The following SLC25A13 variants were observed in gnomAD, a reference collection of about 807,000 sequenced individuals.
SLC25A13 encodes solute carrier family 25 member 13.
Under a neutral mutation model 85.5 loss-of-function variants are expected in SLC25A13, and 70 were observed. The ratio of observed to expected loss-of-function variants is 0.82; its 90% confidence interval spans 0.68 to 1.00. The LOEUF is 1.00. Ranked by LOEUF, SLC25A13 falls within the 50% of genes least tolerant of loss-of-function variation. The pLI, the probability that SLC25A13 is intolerant of heterozygous loss-of-function variation, is 0.00. For synonymous variants in SLC25A13, 259 were observed against 288.7 expected (o/e 0.90, Z 1.04); for missense variants, 765 against 819.8 (o/e 0.93, Z 0.82).
chr7:96,263,709 T>A (rs1797941356), intron 3 of SLC25A13, among the ~76,000 whole-genome samples: 1 of 152,140 alleles, frequency 6.6e-6, no homozygotes, highest in Non-Finnish European at 1.5e-5. Flanking sequence ...ATTTTCAACA[T>A]ACTTATCCTT....
At chr7:96,211,855 C>T (rs374273370) in intron 4 of SLC25A13, among the ~76,000 whole-genome samples, 14 of 152,146 alleles carry the variant, frequency 9.2e-5, no homozygotes, top group African/African-American at 3.4e-4. Context: ...CAGGCCCGGT[C>T]CTAAACTGAT....
At chr7:96,293,603 T>A (rs1405492683) in intron 2 of SLC25A13, among the ~76,000 whole-genome samples, 9 of 151,894 alleles carry the variant, frequency 5.9e-5, no homozygotes, top group Non-Finnish European at 1.2e-4. Flanking sequence ...AACAACCCCA[T>A]CAAAAAGTGG....
intron 4 of SLC25A13, among the ~76,000 whole-genome samples, chr7:96,233,462 T>A (rs1490123451): frequency 6.6e-6 from 1 of 152,218 alleles, no homozygotes; most frequent in Non-Finnish European, 1.5e-5. Context: ...ATAATCCTCA[T>A]GAAGTATTAA....
At chr7:96,263,909 T>A (rs1797947899) in intron 3 of SLC25A13, among the ~76,000 whole-genome samples, 1 of 152,140 alleles carries the variant, frequency 6.6e-6, no homozygotes, top group Non-Finnish European at 1.5e-5. Flanking sequence ...CTAGTCTTCC[T>A]GTTCAGTCCC....
chr7:96,267,543 T>G (rs1176989947), intron 3 of SLC25A13, among the ~76,000 whole-genome samples: 1 of 152,200 alleles, frequency 6.6e-6, no homozygotes, highest in African/African-American at 2.4e-5. Context: ...CCGGGCATAG[T>G]GGCTCACGTC....
chr7:96,123,102 C>T (rs1002476426), intron 15 of SLC25A13, among the ~76,000 whole-genome samples: 7 of 152,146 alleles, frequency 4.6e-5, no homozygotes, highest in Non-Finnish European at 8.8e-5. Flanking sequence ...AGTATCTCTT[C>T]CATCTTTACC....
intron 11 of SLC25A13, among the ~76,000 whole-genome samples, chr7:96,177,911 T>C (rs146155329): frequency 1.3e-4 from 20 of 152,264 alleles, no homozygotes; most frequent in African/African-American, 4.3e-4. Context: ...CTAACAGACT[T>C]ACTGCTCCAA....
intron 3 of SLC25A13, among the ~76,000 whole-genome samples, chr7:96,235,240 T>A (rs532110611): frequency 6.6e-6 from 1 of 152,354 alleles, no homozygotes; most frequent in East Asian, 1.9e-4. Context: ...AAAGTGCAGA[T>A]ACTTTAGACT....
intron 13 of SLC25A13, among the ~76,000 whole-genome samples, chr7:96,161,659 T>A (rs1237780312): frequency 2.0e-5 from 3 of 152,152 alleles, no homozygotes; most frequent in African/African-American, 7.2e-5. Context: ...AAGGAAGATC[T>A]CCTCAAGTGG....
intron 3 of SLC25A13, among the ~76,000 whole-genome samples, chr7:96,242,890 T>C (rs982522346): frequency 3.3e-5 from 5 of 152,154 alleles, no homozygotes; most frequent in African/African-American, 9.7e-5. Flanking sequence ...GTTCTCAGGA[T>C]CTCCTGAGGG....
intron 4 of SLC25A13, among the ~76,000 whole-genome samples, chr7:96,210,016 A>G (rs1795628353): frequency 6.6e-6 from 1 of 152,114 alleles, no homozygotes; most frequent in African/African-American, 2.4e-5. Flanking sequence ...AAGTGCCAAA[A>G]CCTTTGGCAT....
chr7:96,186,343 C>T (rs764758876), intron 9 of SLC25A13, among the ~76,000 whole-genome samples: 13 of 151,952 alleles, frequency 8.6e-5, no homozygotes, highest in Non-Finnish European at 1.5e-4. Flanking sequence ...GCAGGAGAAT[C>T]ACTTGAACCT....
chr7:96,244,952 A>G (rs1255091310), intron 3 of SLC25A13, among the ~76,000 whole-genome samples: 1 of 151,350 alleles, frequency 6.6e-6, no homozygotes, highest in Non-Finnish European at 1.5e-5. Context: ...CCATATTGGC[A>G]AAAGTATATA....
chr7:96,149,545 C>T (rs79717138), intron 13 of SLC25A13, among the ~76,000 whole-genome samples: 4,422 of 152,144 alleles, frequency 0.029, 165 homozygotes, highest in African/African-American at 0.083. Context: ...GGCAGATGCA[C>T]GGGGAAGAAA....
intron 4 of SLC25A13, among the ~76,000 whole-genome samples, chr7:96,217,867 A>T (rs1343442546): frequency 6.6e-6 from 1 of 150,994 alleles, no homozygotes; most frequent in African/African-American, 2.4e-5. Context: ...ATATACTTTA[A>T]ATGGGTAAAT....
At chr7:96,317,819 T>C (rs1022741451) in intron 1 of SLC25A13, among the ~76,000 whole-genome samples, 12 of 151,068 alleles carry the variant, frequency 7.9e-5, no homozygotes, top group African/African-American at 2.7e-4. Context: ...TATTTTTTTT[T>C]GAGACAGGAT....
chr7:96,319,120 C>T lies in SLC25A13; in HGVS notation c.15+2822G>A, dbSNP rs146074953. Among the ~76,000 whole-genome samples the T allele has an allele frequency of 1.9e-3, 286 of 152,258 alleles. 3 individuals carry two copies. Among genetic ancestry groups the T allele is most frequent in the Non-Finnish European group, 1.6e-4 (11 of 68,020 alleles). ...TTAGACCAGCAGCTTCATTGAGGGACCTTTTAAGGCCACATTTACTGCACT... is the reference window on the plus strand; with the variant it reads ...TTAGACCAGCAGCTTCATTGAGGGATCTTTTAAGGCCACATTTACTGCACT... On this transcript the variant is annotated intron_variant, in intron 1 of 17. Transcript: ENST00000265631.
At chr7:96,267,775 T>C (rs915882181) in intron 3 of SLC25A13, among the ~76,000 whole-genome samples, 1 of 148,824 alleles carries the variant, frequency 6.7e-6, no homozygotes, top group Non-Finnish European at 1.5e-5. Flanking sequence ...ATCATCCCAC[T>C]GTGCTCCAGC....
At chr7:96,191,896 G>A (rs1004964553) in intron 6 of SLC25A13, among the ~76,000 whole-genome samples, 1 of 151,960 alleles carries the variant, frequency 6.6e-6, no homozygotes, top group Non-Finnish European at 1.5e-5. Context: ...TCTTCACAGG[G>A]GACAAGGGAA....
Sources: gnomAD v4.1 joint callset for allele counts (sites outside exome capture counted in the v4.1 genomes callset) on GRCh38, gnomAD v4.1.1 for gene constraint, MANE v1.5 for transcripts, NCBI Gene and HGNC (gene_info 2026-07-23, HGNC 2026-07-21) for gene names.